ERVFRD-1: variants seen among roughly 807,000 people sequenced by gnomAD.
The protein encoded by ERVFRD-1 is syncytin-2.
A neutral mutation model predicts 43.8 loss-of-function variants in ERVFRD-1; 33 were observed. The observed-to-expected ratio is 0.75, with a 90% CI of 0.57 to 1.01. ERVFRD-1 has a LOEUF of 1.01. Ranked by LOEUF, ERVFRD-1 falls within the 50% of genes least tolerant of loss-of-function variation. The pLI, the probability that ERVFRD-1 is intolerant of heterozygous loss-of-function variation, is 0.00. For synonymous variants in ERVFRD-1, 239 were observed against 244.4 expected (o/e 0.98, Z 0.21); for missense variants, 568 against 658.4 (o/e 0.86, Z 1.50).
rs1379579684 is a variant in ERVFRD-1 at position 11,105,066 on chromosome 6, A to T, written c.245T>A (p.Leu82Gln). 6.2e-7 allele frequency: 1 copy of T among 1,614,198 alleles called. No homozygotes were observed. ...ATTTGCAGGCCTCATCAGTCCTTTC[A>T]GATTAGGGTCCCATCGATAGGAAAT... is the stretch of plus-strand genomic sequence containing the variant. ...LHISYRWDPN[L>Q]KGLMRPANSL... is the part of the protein sequence containing the mutation. The change falls in exon 2 of 2, where the codon CTG becomes CAG. Residue 82 changes from leucine to glutamine, a missense_variant. Coordinates refer to ENST00000472091, the MANE Select transcript of ERVFRD-1 (RefSeq NM_207582.3).
Position 11,104,567 on chromosome 6 carries a change from C to T in ERVFRD-1, c.744G>A (p.Gln248=), listed in dbSNP as rs1169944197. 1 of 1,607,236 alleles carries T rather than the reference C, an allele frequency of 6.2e-7. No homozygotes were observed. Among genetic ancestry groups the T allele is most frequent in the Non-Finnish European group, 8.5e-7 (1 of 1,176,372 alleles). ...FWENKTKGAN[Q]SQTPCVQVLA... is the part of the protein sequence containing the mutation. ...AGACTTGGACGCAGGGTGTTTGGCT[C>T]TGGTTAGCTCCCTTGGTTTTATTTT... is the stretch of plus-strand genomic sequence containing the variant. Residue 248 remains glutamine (Q), a synonymous_variant, in exon 2 of 2, where the codon CAG becomes CAA. Coordinates refer to ENST00000472091, the MANE Select transcript of ERVFRD-1 (RefSeq NM_207582.3).
At position 11,102,905 on chromosome 6, in the gene ERVFRD-1, G is replaced by A. The variant is rs1042437127; in HGVS notation, c.*789C>T. 1 of 152,210 alleles carries A rather than the reference G, an allele frequency of 6.6e-6. No individual in the cohort carries two copies. Among genetic ancestry groups the A allele is most frequent in the Non-Finnish European group, 1.5e-5 (1 of 68,034 alleles). 9.4% of individuals were successfully genotyped at this position (152,210 alleles called of 1,614,324 possible). On this transcript the variant is annotated 3_prime_UTR_variant, in exon 2 of 2. Coordinates refer to ENST00000472091, the MANE Select transcript of ERVFRD-1 (RefSeq NM_207582.3). ...AAAAGTTTTAGAGCAAGAACAAAAG[G>A]AAGCAAAGTGCACTTGAAGAGAGCC...
At position 11,105,052 on chromosome 6, in the gene ERVFRD-1, T is replaced by C. The variant is rs1581912247; in HGVS notation, c.259A>G (p.Arg87Gly). 2.5e-6 allele frequency: 4 copies of C among 1,614,220 alleles called. No homozygotes were observed. In the East Asian group the frequency reaches 6.7e-5, roughly 27 times the overall value. ...RWDPNLKGLM[R>G]PANSLLSTVK... ...GTTGAAAGAAGACTATTTGCAGGCC[T>C]CATCAGTCCTTTCAGATTAGGGTCC... The change falls in exon 2 of 2, where the codon AGG (arginine) becomes GGG (glycine). Residue 87 changes from arginine (R) to glycine (G), a missense_variant. Coordinates refer to ENST00000472091, the MANE Select transcript of ERVFRD-1 (RefSeq NM_207582.3).
Position 11,105,400 on chromosome 6 carries a change from G to T in ERVFRD-1, c.-90C>A. 1 of 956,836 alleles carries T rather than the reference G, an allele frequency of 1.0e-6. No homozygotes were observed. The highest frequency in any genetic ancestry group is 1.6e-6 in the Non-Finnish European group (1 of 643,220). 59.3% of individuals were successfully genotyped at this position (956,836 alleles called of 1,614,324 possible). On this transcript the variant is annotated 5_prime_UTR_variant, in exon 2 of 2. In the 5' UTR this introduces an upstream ATG that the reference lacks. Coordinates refer to ENST00000472091, the MANE Select transcript of ERVFRD-1 (RefSeq NM_207582.3). ...AGGGTTAAAATAGTGATAACAATCA[G>T]AGCAATTGCCAGTAAAATTTCTAGT...
chr6:11,111,539 G>C (rs139261770), intron 1 of ERVFRD-1, 138 bp downstream of exon 1: 3 of 153,058 alleles, frequency 2.0e-5, no homozygotes, highest in African/African-American at 7.2e-5. Context: ...GAGCAGCCAG[G>C]GGGAGCAGAG....
At chr6:11,110,463 G>A (rs545257626) in intron 1 of ERVFRD-1, among the ~76,000 whole-genome samples, 2 of 152,168 alleles carry the variant, frequency 1.3e-5, no homozygotes, top group Non-Finnish European at 2.9e-5. Flanking sequence ...TCTTTAAGAA[G>A]ACGAGAAGCC....
Position 11,104,356 on chromosome 6 carries a change from T to C in ERVFRD-1, c.955A>G (p.Ile319Val). The C allele has an allele frequency of 6.4e-7, 1 of 1,551,744 alleles. No homozygotes were observed. The highest frequency in any genetic ancestry group is 8.7e-7 in the Non-Finnish European group (1 of 1,146,996). Reference protein sequence around the residue: ...LPSNWTGTCTIGYVTPDIFIA... With the variant: ...LPSNWTGTCTVGYVTPDIFIA... ...AAGATGTCTGGGGTTACATAGCCTA[T>C]GGTACAAGTTCCAGTCCAGTTACTG... The change falls in exon 2 of 2, where the codon ATA (isoleucine) becomes GTA (valine). Residue 319 changes from isoleucine to valine, a missense_variant. Physicochemically the swap from Ile to Val is conservative, Grantham distance 29. Coordinates refer to ENST00000472091, the MANE Select transcript of ERVFRD-1 (RefSeq NM_207582.3).
In ERVFRD-1 at chr6:11,111,666, A is replaced by C. The variant is rs1024072077; in HGVS notation, c.-321+11T>G. 1.3e-5 allele frequency: 2 copies of C among 152,290 alleles called. No individual in the cohort carries two copies. The highest frequency in any genetic ancestry group is 4.8e-5 in the African/African-American group (2 of 41,452). The allele number at this position is 152,290 out of a possible 1,614,324, so 9.4% of individuals were successfully genotyped here. On this transcript the variant is annotated intron_variant, in intron 1 of 1. Coordinates refer to ENST00000472091, the MANE Select transcript of ERVFRD-1 (RefSeq NM_207582.3). ...TCCAGCCGAAGAAGGCAAGGCGTAG[A>C]GGTGTCTTACCACTAGGGAAGGTAT...
chr6:11,108,783 T>G (rs555755375), intron 1 of ERVFRD-1, among the ~76,000 whole-genome samples: 113 of 152,344 alleles, frequency 7.4e-4, no homozygotes, highest in Middle Eastern at 3.4e-3. Context: ...TGGTGTTTCC[T>G]CCTAATATCT....
intron 1 of ERVFRD-1, among the ~76,000 whole-genome samples, chr6:11,107,488 C>G (rs1758104184): frequency 6.6e-6 from 1 of 152,182 alleles, no homozygotes; most frequent in African/African-American, 2.4e-5. Flanking sequence ...CAGGGCTTGC[C>G]CAGACCAATG....
intron 1 of ERVFRD-1, among the ~76,000 whole-genome samples, chr6:11,106,873 G>A (rs546410371): frequency 6.6e-6 from 1 of 152,320 alleles, no homozygotes; most frequent in East Asian, 1.9e-4. Context: ...AGTATCTGGA[G>A]CTGTTAGGTA....
Position 11,103,881 on chromosome 6 carries a change from C to G in ERVFRD-1, c.1430G>C (p.Trp477Ser). 3 of 1,551,698 alleles carry G rather than the reference C, an allele frequency of 1.9e-6. No homozygotes were observed. The highest frequency in any genetic ancestry group is 2.6e-6 in the Non-Finnish European group (3 of 1,147,000). ...GGGAAGAACCCAAGAGAACCATTTC[C>G]AAGTTCCTTCCCAATTTAACCAACC... ...TQGWLNWEGT[W>S]KWFSWVLPLT... Residue 477 changes from tryptophan (W) to serine (S), a missense_variant, in exon 2 of 2, where the codon TGG (tryptophan) becomes TCG (serine). Coordinates refer to ENST00000472091, the MANE Select transcript of ERVFRD-1 (RefSeq NM_207582.3).
At position 11,105,312 on chromosome 6, in the gene ERVFRD-1, G is replaced by A. The variant is rs1258951987; in HGVS notation, c.-2C>T. ...GAGAACCAGCAGGAGCAGGCCCATG[G>A]TGACCTAAGAGAAACTGGTCACAAA... On this transcript the variant is annotated 5_prime_UTR_variant, in exon 2 of 2. Coordinates refer to ENST00000472091, the MANE Select transcript of ERVFRD-1 (RefSeq NM_207582.3). The A allele has an allele frequency of 3.7e-6, 6 of 1,608,638 alleles. No homozygotes were observed. The highest frequency in any genetic ancestry group is 5.1e-6 in the Non-Finnish European group (6 of 1,177,108).
intron 1 of ERVFRD-1, among the ~76,000 whole-genome samples, chr6:11,107,365 T>C (rs1171879892): frequency 3.3e-5 from 5 of 152,202 alleles, no homozygotes; most frequent in Non-Finnish European, 2.9e-5. Flanking sequence ...GTTTGGTGTT[T>C]GGACTAGATG....
chr6:11,110,624 A>G (rs951339218), intron 1 of ERVFRD-1, among the ~76,000 whole-genome samples: 4 of 152,208 alleles, frequency 2.6e-5, no homozygotes, highest in African/African-American at 7.2e-5. Context: ...CCAGGGTAAC[A>G]TGCAGAACAA....
chr6:11,104,942 G>A lies in ERVFRD-1; in HGVS notation c.369C>T (p.Ala123=). ...IFTNINLMGI[A]PICVMAKRKN... ...TCCTTTTGGCCATAACACAAATAGG[G>A]GCTATTCCCATTAGGTTGATATTAG... The change falls in exon 2 of 2, where the codon GCC becomes GCT. Residue 123 remains alanine (A), a synonymous_variant. Transcript: ENST00000472091. 1 of 1,614,156 alleles carries A rather than the reference G, an allele frequency of 6.2e-7. No homozygotes were observed. Among genetic ancestry groups the A allele is most frequent in the Non-Finnish European group, 8.5e-7 (1 of 1,180,032 alleles).
chr6:11,111,060 G>A (rs1431728487), intron 1 of ERVFRD-1, among the ~76,000 whole-genome samples: 1 of 152,212 alleles, frequency 6.6e-6, no homozygotes, highest in Non-Finnish European at 1.5e-5. Context: ...CCAACAGACA[G>A]GGAAAGGGTT....
At position 11,104,582 on chromosome 6, in the gene ERVFRD-1, G is replaced by C. The variant is rs761589046; in HGVS notation, c.729C>G (p.Thr243=). 6 of 1,612,966 alleles carry C rather than the reference G, an allele frequency of 3.7e-6. No individual in the cohort carries two copies. The highest frequency in any genetic ancestry group is 5.1e-6 in the Non-Finnish European group (6 of 1,179,444). ...TRNSLFWENK[T]KGANQSQTPC... is the part of the protein sequence containing the mutation. The stretch of plus-strand genomic sequence containing the variant: ...GTGTTTGGCTCTGGTTAGCTCCCTT[G>C]GTTTTATTTTCCCAAAAAAGAGAAT... The change falls in exon 2 of 2, where the codon ACC becomes ACG. Residue 243 remains threonine, a synonymous_variant. Transcript: ENST00000472091.
Position 11,105,369 on chromosome 6 carries a change from C to G in ERVFRD-1, c.-59G>C, listed in dbSNP as rs1758070444. 7.7e-7 allele frequency: 1 copy of G among 1,306,892 alleles called. No homozygotes were observed. The highest frequency in any genetic ancestry group is 1.1e-6 in the Non-Finnish European group (1 of 934,156). 81.0% of individuals were successfully genotyped at this position (1,306,892 alleles called of 1,614,324 possible). A position where few individuals can be genotyped will look rare whatever the true frequency, so the allele number is the denominator to read the frequency against. On this transcript the variant is annotated 5_prime_UTR_variant, in exon 2 of 2. Coordinates refer to ENST00000472091, the MANE Select transcript of ERVFRD-1 (RefSeq NM_207582.3). ...TGCCAATGGAACTCCTGGTGGTGTA[C>G]AAGTTAGGGTTAAAATAGTGATAAC...
Sources: allele counts gnomAD v4.1 joint callset (sites outside exome capture counted in the v4.1 genomes callset), GRCh38; gene constraint gnomAD v4.1.1; transcripts MANE v1.5; gene names NCBI Gene and HGNC (gene_info 2026-07-23, HGNC 2026-07-21).